ESR2: variants seen among roughly 807,000 people sequenced by gnomAD.
ESR2 encodes the protein estrogen receptor beta.
In ESR2, 36 loss-of-function variants were observed where a neutral mutation model predicts 49.6. That is an observed-to-expected ratio of 0.73 (90% CI 0.56 to 0.96). The LOEUF is 0.96. ESR2 is among the 40% of genes least tolerant of loss of function. The pLI, the probability that ESR2 is intolerant of heterozygous loss-of-function variation, is 0.00. For missense variants in ESR2, 714 were observed against 693.0 expected, an observed-to-expected ratio of 1.03 and a Z score of -0.34; for synonymous variants, 320 against 266.1, an observed-to-expected ratio of 1.20 and a Z score of -1.97.
At chr14:64,332,793 C>A (rs1377887885) in intron 1 of ESR2, among the ~76,000 whole-genome samples, 3 of 146,820 alleles carry the variant, frequency 2.0e-5, no homozygotes, top group Non-Finnish European at 3.0e-5. Flanking sequence ...GAGTGAGACT[C>A]CATCTCAAAA....
intron 3 of ESR2, among the ~76,000 whole-genome samples, chr14:64,274,295 G>A (rs1035022572): frequency 6.6e-6 from 1 of 152,022 alleles, no homozygotes; most frequent in African/African-American, 2.4e-5. Flanking sequence ...CTTGTTACTG[G>A]TATGTTCAGG....
chr14:64,231,430 A>T lies in ESR2; in HGVS notation c.*1707T>A, dbSNP rs879743435. ...GCTTATCCTGCCTGTACTAAATCTT[A>T]CTAAAGCTGTAACTGAGTCTCTAAG... On this transcript the variant is annotated 3_prime_UTR_variant, in exon 9 of 9. Transcript: ENST00000341099. 2 of 152,198 alleles carry T rather than the reference A, an allele frequency of 1.3e-5. No individual in the cohort carries two copies. Among genetic ancestry groups the T allele is most frequent in the Non-Finnish European group, 2.9e-5 (2 of 68,044 alleles). 9.4% of individuals were successfully genotyped at this position (152,198 alleles called of 1,614,324 possible). A position where few individuals can be genotyped will look rare whatever the true frequency, so the allele number is the denominator to read the frequency against.
upstream of ESR2, among the ~76,000 whole-genome samples, chr14:64,299,256 AAAGTT>A (rs2076995106): frequency 6.6e-6 from 1 of 151,908 alleles, no homozygotes; most frequent in Admixed American, 6.6e-5. Context: ...AATTTTGACT[AAAGTT>A]TTTTCTACAT....
rs562989637 is a variant in ESR2 at position 64,283,609 on chromosome 14, G to A, written c.-90-534C>T. ...CCCCGTCTCTACTAAAAATTAGCCAGGAATGGTGGCATGTGCCTGTTGTCC... is the reference window on the plus strand; with the variant it reads ...CCCCGTCTCTACTAAAAATTAGCCAAGAATGGTGGCATGTGCCTGTTGTCC... On this transcript the variant is annotated intron_variant, in intron 1 of 8. Coordinates refer to ENST00000341099, the MANE Select transcript of ESR2 (RefSeq NM_001437.3). 2.3e-3 allele frequency among the ~76,000 whole-genome samples: 350 copies of A among 151,758 alleles called. 2 individuals carry two copies. The highest frequency in any genetic ancestry group is 2.5e-3 in the Non-Finnish European group (173 of 67,858).
chr14:64,311,582 G>A (rs2077188654), intron 1 of ESR2, among the ~76,000 whole-genome samples: 1 of 151,254 alleles, frequency 6.6e-6, no homozygotes, highest in Non-Finnish European at 1.5e-5. Flanking sequence ...GGCAGAGGTT[G>A]CAGTGAGCTG....
rs55721717 is a variant in ESR2 at position 64,335,973 on chromosome 14, T to TTGTGTGTGTG, written c.-91+1915_-91+1924dup. Reference sequence around the variant, plus strand: ...GCGTCCGCCACCACGCCCAGCTAATTTGTGTGTGTGTGTGTGTGTGTGTGT... The same window carrying TTGTGTGTGTG: ...GCGTCCGCCACCACGCCCAGCTAATTTGTGTGTGTGTGTGTGTGTGTGTGTGTGTGTGTGT... On this transcript the variant is annotated intron_variant, in intron 1 of 8. Coordinates refer to the ESR2 transcript ENST00000358599. 2.7e-4 allele frequency: 34 copies of TTGTGTGTGTG among 125,722 alleles called. 1 individual carries two copies. Among genetic ancestry groups the TTGTGTGTGTG allele is most frequent in the East Asian group, 9.7e-4 (4 of 4,106 alleles). The allele number at this position is 125,722 out of a possible 1,614,324, so 7.8% of individuals were successfully genotyped here.
chr14:64,256,135 TAA>T (rs1301277281), intron 6 of ESR2, among the ~76,000 whole-genome samples: 2 of 152,316 alleles, frequency 1.3e-5, no homozygotes, highest in East Asian at 1.9e-4. Flanking sequence ...ACTTTTTCCA[TAA>T]AAGAGATGTG....
intron 1 of ESR2, among the ~76,000 whole-genome samples, chr14:64,327,978 G>A (rs982655665): frequency 4.0e-5 from 6 of 151,846 alleles, no homozygotes; most frequent in South Asian, 2.1e-4. Flanking sequence ...AGGGCAAAGC[G>A]GGTGGATCTC....
Position 64,331,846 on chromosome 14 carries a change from A to G in ESR2, c.-91+6052T>C, listed in dbSNP as rs536210684. 3.7e-4 allele frequency among the ~76,000 whole-genome samples: 53 copies of G among 144,174 alleles called. No individual in the cohort carries two copies. The Middle Eastern group carries it at 0.011, about 29-fold the overall frequency. The allele number at this position is 144,174 out of a possible 152,430, so 94.6% of individuals were successfully genotyped here. ...TCAAAAAAAAAAAAAAAAAAAAAAG[A>G]ATCCTTTGCACAGTCTCCTTCAGAG... On this transcript the variant is annotated intron_variant, in intron 1 of 8. Coordinates refer to the ESR2 transcript ENST00000358599.
At chr14:64,288,515 T>C (rs917796847) in intron 1 of ESR2, among the ~76,000 whole-genome samples, 13 of 151,760 alleles carry the variant, frequency 8.6e-5, no homozygotes, top group Non-Finnish European at 1.8e-4. Flanking sequence ...GCCCAGCTAA[T>C]TTTTTCTATT....
At chr14:64,271,477 C>T (rs187942717) in intron 3 of ESR2, among the ~76,000 whole-genome samples, 89 of 152,300 alleles carry the variant, frequency 5.8e-4, no homozygotes, top group Middle Eastern at 6.8e-3. Flanking sequence ...AGGCGCATGC[C>T]GCCACACCCA....
rs2075753593 is a variant in ESR2 at position 64,242,462 on chromosome 14, A to G, written c.1225+7084T>C. Among the ~76,000 whole-genome samples the G allele has an allele frequency of 2.0e-5, 3 of 150,030 alleles. No individual in the cohort carries two copies. In the South Asian group the frequency reaches 6.2e-4, roughly 31 times the overall value. On this transcript the variant is annotated intron_variant, in intron 7 of 8. Transcript: ENST00000341099. ...AAACAAACAAAAAAAATATATATAT[A>G]TATATAAAATCATATGGTTTTTCAT...
rs1443125962 is a variant in ESR2, at chr14:64,279,887, A to G, written c.535+94T>C. 4.1e-6 allele frequency: 4 copies of G among 978,830 alleles called. No homozygotes were observed. The Admixed American group carries it at 7.4e-5, about 18-fold the overall frequency. 60.6% of individuals were successfully genotyped at this position (978,830 alleles called of 1,614,324 possible). On this transcript the variant is annotated intron_variant, in intron 3 of 8. Transcript: ENST00000341099. ...TCATCAAATACTTTGTGTGCCAAAC[A>G]GGCCAGTAGTGACATTTCTGCCAAG...
intron 4 of ESR2, among the ~76,000 whole-genome samples, chr14:64,267,387 G>C (rs1478528336): frequency 6.6e-6 from 1 of 152,126 alleles, no homozygotes; most frequent in Non-Finnish European, 1.5e-5. Context: ...AATACACGCT[G>C]TGAGGCTATG....
At chr14:64,250,667 C>T (rs1263228648) in intron 6 of ESR2, among the ~76,000 whole-genome samples, 3 of 152,210 alleles carry the variant, frequency 2.0e-5, no homozygotes, top group Admixed American at 1.3e-4. Context: ...TCTCTAGCAG[C>T]CCCTGAAGGG....
Position 64,310,717 on chromosome 14 carries a change from G to A in ESR2, c.-91+27181C>T, listed in dbSNP as rs557281595. ...GAACTCCTGACCTCGTGATCTGCCC[G>A]CCTCGGCCTCCCAAAGTGCTGGGAT... is the stretch of plus-strand genomic sequence containing the variant. On this transcript the variant is annotated intron_variant, in intron 1 of 8. Transcript: ENST00000358599. Among the ~76,000 whole-genome samples, 11 of 152,096 alleles carry A rather than the reference G, an allele frequency of 7.2e-5. No homozygotes were observed. The East Asian group carries it at 9.7e-4, about 13-fold the overall frequency.
chr14:64,234,843 A>C (rs888241786), intron 8 of ESR2, 127 bp downstream of exon 8: 2 of 1,484,578 alleles, frequency 1.3e-6, no homozygotes, highest in Non-Finnish European at 1.8e-6. Flanking sequence ...GAACTGACAA[A>C]TTCCCCATTC....
chr14:64,261,381 G>A (rs1010944239), intron 4 of ESR2, among the ~76,000 whole-genome samples: 5 of 151,324 alleles, frequency 3.3e-5, no homozygotes, highest in Admixed American at 2.0e-4. Context: ...AGGACTATGG[G>A]TGCCTGCCAC....
Position 64,247,348 on chromosome 14 carries a change from C to A in ESR2, c.1225+2198G>T, listed in dbSNP as rs1415172589. On this transcript the variant is annotated intron_variant, in intron 7 of 8. Coordinates refer to ENST00000341099, the MANE Select transcript of ESR2 (RefSeq NM_001437.3). ...CTCTGTCTCAAAACAAACAAACAAA[C>A]AAAAAAACTAGTGCCAATATCCAAG... Among the ~76,000 whole-genome samples, 4 of 144,894 alleles carry A rather than the reference C, an allele frequency of 2.8e-5. No homozygotes were observed. In the South Asian group the frequency reaches 6.5e-4, roughly 23 times the overall value.
Sources: allele counts gnomAD v4.1 joint callset (sites outside exome capture counted in the v4.1 genomes callset), GRCh38; gene constraint gnomAD v4.1.1; transcripts MANE v1.5; gene names NCBI Gene and HGNC (gene_info 2026-07-23, HGNC 2026-07-21).